The following MAGI2 variants were observed in gnomAD, a reference collection of about 807,000 sequenced individuals.
MAGI2 encodes the protein membrane associated guanylate kinase, WW and PDZ domain containing 2.
Under a neutral mutation model 133.3 loss-of-function variants are expected in MAGI2, and 35 were observed. The ratio of observed to expected loss-of-function variants is 0.26; its 90% CI spans 0.20 to 0.35. The LOEUF (loss-of-function observed/expected upper bound fraction) is 0.35, where lower values mean the gene tolerates loss of function less well. Ranked by LOEUF, MAGI2 falls within the 10% of genes least tolerant of loss-of-function variation. The probability of loss-of-function intolerance (pLI) is 1.00; values close to 1 mark genes in which losing one functional copy is unlikely to be tolerated. For synonymous variants in MAGI2, 729 were observed against 710.6 expected, an observed-to-expected ratio of 1.03 and a Z score of -0.41; for missense variants, 1,636 against 1,863.4, an observed-to-expected ratio of 0.88 and a Z score of 2.25.
At chr7:79,271,534 G>T (rs1834876713) in intron 1 of MAGI2, among the ~76,000 whole-genome samples, 1 of 152,038 alleles carries the variant, frequency 6.6e-6, no homozygotes, top group Admixed American at 6.6e-5. Context: ...GAAGAAGCCA[G>T]ATTTGTTTAC....
chr7:79,148,231 T>A (rs888958923), intron 1 of MAGI2, among the ~76,000 whole-genome samples: 1 of 152,108 alleles, frequency 6.6e-6, no homozygotes, highest in African/African-American at 2.4e-5. Context: ...ACAGAGAGAA[T>A]GTGGGATGTT....
At chr7:78,853,438 C>T (rs1793344672) in intron 2 of MAGI2, among the ~76,000 whole-genome samples, 1 of 136,594 alleles carries the variant, frequency 7.3e-6, no homozygotes, top group Non-Finnish European at 1.5e-5. Context: ...TCACTGCAGC[C>T]TCTATCTCCT....
At chr7:78,226,138 G>C (rs1013610019) in intron 10 of MAGI2, among the ~76,000 whole-genome samples, 1 of 152,086 alleles carries the variant, frequency 6.6e-6, no homozygotes, top group Non-Finnish European at 1.5e-5. Flanking sequence ...AGTTTTTAAT[G>C]CTTAATTTCA....
intron 1 of MAGI2, among the ~76,000 whole-genome samples, chr7:79,110,857 T>C (rs560162236): frequency 3.9e-5 from 6 of 152,150 alleles, no homozygotes; most frequent in African/African-American, 4.8e-5. Flanking sequence ...TGCTTGGTAC[T>C]ATCCTCATGA....
intron 21 of MAGI2, among the ~76,000 whole-genome samples, chr7:78,069,171 T>C (rs1327990920): frequency 6.6e-6 from 1 of 152,072 alleles, no homozygotes; most frequent in African/African-American, 2.4e-5. Flanking sequence ...TCAGACTTGA[T>C]GGGCAAAGGC....
rs927956374 is a variant in MAGI2, at chr7:78,364,635, G to T, written c.1103+4521C>A. On this transcript the variant is annotated intron_variant, in intron 7 of 21. Transcript: ENST00000354212. Reference sequence around the variant, plus strand: ...GGTTTGCTTCTCTGTCTCTGCCAGAGAAGGCAGCTTTGCATGAAAGCTGTC... The same window carrying T: ...GGTTTGCTTCTCTGTCTCTGCCAGATAAGGCAGCTTTGCATGAAAGCTGTC... Among the ~76,000 whole-genome samples, 5 of 152,166 alleles carry T rather than the reference G, an allele frequency of 3.3e-5. No homozygotes were observed. The East Asian group carries it at 7.7e-4, about 23-fold the overall frequency.
intron 12 of MAGI2, among the ~76,000 whole-genome samples, chr7:78,186,034 T>TAA (rs2150708832): frequency 6.6e-6 from 1 of 152,296 alleles, no homozygotes; most frequent in South Asian, 2.1e-4. Context: ...ATAGGTCCTT[T>TAA]AAAATTAGGT....
chr7:79,075,216 G>C (rs549618221), intron 1 of MAGI2, among the ~76,000 whole-genome samples: 214 of 152,182 alleles, frequency 1.4e-3, no homozygotes, highest in African/African-American at 5.1e-3. Flanking sequence ...ACCAGAGCTG[G>C]ATCACATGTT....
chr7:78,022,878 A>G (rs1808540107), intron 21 of MAGI2, among the ~76,000 whole-genome samples: 1 of 152,022 alleles, frequency 6.6e-6, no homozygotes, highest in African/African-American at 2.4e-5. Context: ...GTTTCTCAAG[A>G]GTTTGTTTAT....
At chr7:78,984,341 G>C (rs1421774863) in intron 2 of MAGI2, among the ~76,000 whole-genome samples, 2 of 151,926 alleles carry the variant, frequency 1.3e-5, no homozygotes, top group African/African-American at 4.8e-5. Context: ...CATCCCTTCT[G>C]TGTTCAAAAC....
At chr7:79,103,894 G>C (rs1818214344) in intron 1 of MAGI2, among the ~76,000 whole-genome samples, 1 of 151,706 alleles carries the variant, frequency 6.6e-6, no homozygotes, top group Non-Finnish European at 1.5e-5. Flanking sequence ...GTAGAGACGG[G>C]GTTTCACCAC....
intron 3 of MAGI2, among the ~76,000 whole-genome samples, chr7:78,612,820 C>T (rs1293755283): frequency 6.6e-6 from 1 of 152,062 alleles, no homozygotes; most frequent in Non-Finnish European, 1.5e-5. Context: ...CAGGCGCCCG[C>T]CACCACGCCC....
intron 2 of MAGI2, among the ~76,000 whole-genome samples, chr7:78,883,306 G>A (rs1796021135): frequency 1.3e-5 from 2 of 151,758 alleles, no homozygotes; most frequent in Non-Finnish European, 1.5e-5. Flanking sequence ...AAACACCAAG[G>A]AATACATGTA....
chr7:79,272,990 C>G (rs1834984076), intron 1 of MAGI2, among the ~76,000 whole-genome samples: 1 of 152,084 alleles, frequency 6.6e-6, no homozygotes, highest in African/African-American at 2.4e-5. Flanking sequence ...ATTTTGGTCT[C>G]TCTATTAAAG....
At chr7:79,211,712 TAAC>T (rs992579469) in intron 1 of MAGI2, among the ~76,000 whole-genome samples, 1 of 151,960 alleles carries the variant, frequency 6.6e-6, no homozygotes, top group Admixed American at 6.6e-5. Context: ...TGCTTTAAAA[TAAC>T]AACAACAACA....
chr7:78,418,537 G>A (rs1043946015), intron 6 of MAGI2, among the ~76,000 whole-genome samples: 1 of 152,112 alleles, frequency 6.6e-6, no homozygotes, highest in Non-Finnish European at 1.5e-5. Flanking sequence ...TAGCACATGT[G>A]GCTATTGAGC....
intron 1 of MAGI2, among the ~76,000 whole-genome samples, chr7:79,113,457 C>G (rs749876923): frequency 1.3e-5 from 2 of 152,094 alleles, no homozygotes; most frequent in African/African-American, 4.8e-5. Context: ...ATGGAGAGAC[C>G]AGAAGGCAAC....
chr7:78,751,472 C>A (rs534685041), intron 2 of MAGI2, among the ~76,000 whole-genome samples: 2 of 152,250 alleles, frequency 1.3e-5, no homozygotes, highest in South Asian at 4.1e-4. Flanking sequence ...CCTAATTGGC[C>A]CTCTCAAGCT....
chr7:78,383,540 C>G (rs758188564), intron 6 of MAGI2, among the ~76,000 whole-genome samples: 3 of 152,006 alleles, frequency 2.0e-5, no homozygotes, highest in Non-Finnish European at 2.9e-5. Flanking sequence ...ATATTTTCTT[C>G]CATTCAACAT....
Sources: gnomAD v4.1 joint callset for allele counts (sites outside exome capture counted in the v4.1 genomes callset) on GRCh38, gnomAD v4.1.1 for gene constraint, MANE v1.5 for transcripts, NCBI Gene and HGNC (gene_info 2026-07-23, HGNC 2026-07-21) for gene names.